NEBL: variants seen among roughly 807,000 people sequenced by gnomAD.
NEBL encodes the protein LIM and SH3 protein 2.
NEBL carries 122 observed loss-of-function variants against 140.2 expected under a neutral mutation model. The ratio of observed to expected loss-of-function variants is 0.87; its 90% CI spans 0.75 to 1.01. The LOEUF is 1.01. Among genes scored for constraint, NEBL ranks in the 50% least tolerant of loss-of-function variants. The pLI is 0.00. For synonymous variants in NEBL, 436 were observed against 398.9 expected, an observed-to-expected ratio of 1.09 and a Z score of -1.11; for missense variants, 1,365 against 1,231.3, an observed-to-expected ratio of 1.11 and a Z score of -1.62.
chr10:21,028,616 G>C (rs966592616), intron 2 of NEBL, among the ~76,000 whole-genome samples: 2 of 152,012 alleles, frequency 1.3e-5, no homozygotes, highest in Non-Finnish European at 2.9e-5. Context: ...TCATGAGAAA[G>C]GTTAGAATAT....
In NEBL at chr10:20,817,631, C is replaced by T. The variant is rs1267117227; in HGVS notation, c.2117G>A (p.Arg706Lys). Residue 706 changes from arginine (R) to lysine (K), a missense_variant, in exon 21 of 28, where the codon AGG becomes AAG. Transcript: ENST00000377122. ...GATGTTTTTCTGGTTTTCTTTTGCCCTCTTCAGCTCTGGTGGATCAGAAAT... is the reference window on the plus strand; with the variant it reads ...GATGTTTTTCTGGTTTTCTTTTGCCTTCTTCAGCTCTGGTGGATCAGAAAT... ...TAISDPPELK[R>K]AKENQKNISN... 9 of 1,613,966 alleles carry T rather than the reference C, an allele frequency of 5.6e-6. No homozygotes were observed. The East Asian group carries it at 1.8e-4, about 32-fold the overall frequency.
chr10:21,126,168 C>T (rs368235219), intron 2 of NEBL: 3 of 1,562,380 alleles, frequency 1.9e-6, no homozygotes, highest in Non-Finnish European at 2.6e-6. Context: ...CCTGGTACCC[C>T]CCATAGAAAG....
rs117552075 is a variant in NEBL, at chr10:20,822,964, T to A, written c.1962+244A>T. Reference sequence around the variant, plus strand: ...CTCCTACCTTTTGGAGTCTCCAATGTCTATGATTCCACTCTGTATGTCTGA... The same window carrying A: ...CTCCTACCTTTTGGAGTCTCCAATGACTATGATTCCACTCTGTATGTCTGA... On this transcript the variant is annotated intron_variant, in intron 19 of 27. Transcript: ENST00000377122. 1.6e-4 allele frequency among the ~76,000 whole-genome samples: 24 copies of A among 152,264 alleles called. No homozygotes were observed. The East Asian group carries it at 4.4e-3, about 28-fold the overall frequency.
intron 9 of NEBL, among the ~76,000 whole-genome samples, chr10:20,855,435 G>A (rs1842967727): frequency 6.7e-6 from 1 of 148,612 alleles, no homozygotes; most frequent in African/African-American, 2.5e-5. Flanking sequence ...AATATATACT[G>A]AAAAATTCAG....
upstream of NEBL, among the ~76,000 whole-genome samples, chr10:20,898,911 T>C (rs2131421476): frequency 6.6e-6 from 1 of 152,296 alleles, no homozygotes; most frequent in South Asian, 2.1e-4. Flanking sequence ...TGTTGTGTTC[T>C]AGAAGGAGCT....
rs750081149 is a variant in NEBL at position 20,888,141 on chromosome 10, T to C, written c.325A>G (p.Ile109Val). 7 of 1,613,986 alleles carry C rather than the reference T, an allele frequency of 4.3e-6. No individual in the cohort carries two copies. The highest frequency in any genetic ancestry group is 1.7e-4 in the Middle Eastern group (1 of 6,058). ...ACTTCTCCTGCAAAAACACTGTCAATTGTGGCTGGCATCCGCTTATAAAGA... is the reference window on the plus strand; with the variant it reads ...ACTTCTCCTGCAAAAACACTGTCAACTGTGGCTGGCATCCGCTTATAAAGA... Reference protein sequence around the residue: ...NSLYKRMPATIDSVFAGEVTQ... With the variant: ...NSLYKRMPATVDSVFAGEVTQ... The change falls in exon 4 of 28, where the codon ATT (isoleucine) becomes GTT (valine). Residue 109 changes from isoleucine to valine, a missense_variant. Physicochemically the swap from Ile to Val is conservative, Grantham distance 29. This residue lies in a region of NEBL where 1,323 missense variants were observed against 1,154.8 expected (regional missense o/e 1.15). Coordinates refer to ENST00000377122, the MANE Select transcript of NEBL (RefSeq NM_006393.3).
At chr10:21,065,090 T>C (rs2131888940) in intron 2 of NEBL, among the ~76,000 whole-genome samples, 1 of 152,302 alleles carries the variant, frequency 6.6e-6, no homozygotes, top group South Asian at 2.1e-4. Context: ...ACAATAAGAT[T>C]TTCTTCTTGA....
intron 4 of NEBL, among the ~76,000 whole-genome samples, chr10:20,933,095 C>A (rs1250098967): frequency 2.0e-5 from 3 of 151,966 alleles, no homozygotes; most frequent in Non-Finnish European, 4.4e-5. Context: ...ATTAGAAGAA[C>A]CTAGATTCTC....
intron 2 of NEBL, among the ~76,000 whole-genome samples, chr10:21,097,219 C>CGG (rs11353377): frequency 1.4e-4 from 12 of 87,148 alleles, no homozygotes; most frequent in African/African-American, 6.1e-4. Context: ...TTGGGAGGTC[C>CGG]GGGGGGGGGG....
chr10:20,929,023 G>T (rs926854447), intron 4 of NEBL, among the ~76,000 whole-genome samples: 1 of 151,748 alleles, frequency 6.6e-6, no homozygotes, highest in Non-Finnish European at 1.5e-5. Flanking sequence ...ACCTTTGCTT[G>T]TTCCTCCTCT....
At chr10:21,020,089 G>A in intron 3 of NEBL, 1 of 1,583,822 alleles carries the variant, frequency 6.3e-7, no homozygotes, top group South Asian at 1.1e-5. Context: ...TAGGGCCAAG[G>A]GAACAAAACA....
intron 2 of NEBL, among the ~76,000 whole-genome samples, chr10:20,894,822 G>T (rs572200596): frequency 1.3e-5 from 2 of 150,292 alleles, no homozygotes; most frequent in Non-Finnish European, 3.0e-5. Flanking sequence ...CCGGCTACTC[G>T]GGTGGCTGAG....
intron 2 of NEBL, among the ~76,000 whole-genome samples, chr10:21,139,474 A>C (rs1329800725): frequency 6.6e-6 from 1 of 152,200 alleles, no homozygotes; most frequent in East Asian, 1.9e-4. Context: ...CAGGAGACCA[A>C]GGTTGAAAAT....
chr10:20,795,911 T>C (rs968814158), intron 26 of NEBL, among the ~76,000 whole-genome samples: 1 of 152,220 alleles, frequency 6.6e-6, no homozygotes, highest in Admixed American at 6.5e-5. Flanking sequence ...CAAATATAAA[T>C]AACCAGGTTT....
chr10:21,135,058 C>T (rs1839289661), intron 2 of NEBL, among the ~76,000 whole-genome samples: 1 of 152,222 alleles, frequency 6.6e-6, no homozygotes, highest in Non-Finnish European at 1.5e-5. Flanking sequence ...CCAGTACACT[C>T]TTTCATTTCC....
At chr10:21,126,295 G>A (rs1838831854) in intron 2 of NEBL, 1 of 642,510 alleles carries the variant, frequency 1.6e-6, no homozygotes, top group South Asian at 2.1e-5. Context: ...CTTAAGTATA[G>A]AAATGTTTAT....
Position 21,255,794 on chromosome 10 carries a change from G to A in NEBL, n.183-3966C>T, listed in dbSNP as rs186480509. The stretch of plus-strand genomic sequence containing the variant: ...GGGCAGATCACGAGGTCAGGAGATC[G>A]AGACCAGCCTGGCCAACATGGTGAA... On this transcript the variant is annotated intron_variant and non_coding_transcript_variant, in intron 1 of 8. Transcript: ENST00000675702. Among the ~76,000 whole-genome samples, 163 of 152,044 alleles carry A rather than the reference G, an allele frequency of 1.1e-3. 1 individual carries two copies. Among genetic ancestry groups the A allele is most frequent in the African/African-American group, 2.9e-3 (122 of 41,508 alleles).
chr10:21,196,889 G>A (rs1841662376), intron 3 of NEBL, among the ~76,000 whole-genome samples: 1 of 152,168 alleles, frequency 6.6e-6, no homozygotes, highest in Admixed American at 6.5e-5. Context: ...TCTGTATAAT[G>A]CTATCTTTCC....
At chr10:21,180,438 A>G (rs968417643) in intron 3 of NEBL, among the ~76,000 whole-genome samples, 1 of 152,188 alleles carries the variant, frequency 6.6e-6, no homozygotes, top group Non-Finnish European at 1.5e-5. Flanking sequence ...AAATTTCAAC[A>G]AGTGTCATTC....
Sources: allele counts gnomAD v4.1 joint callset (sites outside exome capture counted in the v4.1 genomes callset), GRCh38; gene constraint gnomAD v4.1.1; regional missense constraint gnomAD v4.1.1; transcripts MANE v1.5; gene names NCBI Gene and HGNC (gene_info 2026-07-23, HGNC 2026-07-21).